The following MSH6 variants were observed in gnomAD, a reference collection of about 807,000 sequenced individuals.
MSH6 encodes the protein mutS homolog 6.
A neutral mutation model predicts 119.1 loss-of-function variants in MSH6; 85 were observed. The ratio of observed to expected loss-of-function variants is 0.71; its 90% CI spans 0.60 to 0.85. MSH6 has a LOEUF of 0.85. MSH6 is among the 40% of genes least tolerant of loss of function. The probability of loss-of-function intolerance (pLI) is 0.00; values close to 1 mark genes in which losing one functional copy is unlikely to be tolerated. For missense variants in MSH6, 2,163 were observed against 1,655.3 expected (o/e 1.31, Z -5.32); for synonymous variants, 830 against 586.9 (o/e 1.41, Z -5.99).
chr2:47,789,269 G>A (rs979360441), intron 1 of MSH6: 2 of 318,128 alleles, frequency 6.3e-6, no homozygotes, highest in African/African-American at 2.3e-5. Context: ...GTCAGATTCT[G>A]TAAGTGTAAT....
intron 1 of MSH6, 52 bp downstream of exon 1, chr2:47,783,545 G>T: frequency 7.1e-7 from 1 of 1,401,324 alleles, no homozygotes; most frequent in Non-Finnish European, 9.3e-7. Context: ...CGGGGCGCTT[G>T]GAACCCGGCG....
At position 47,805,999 on chromosome 2, in the gene MSH6, C is replaced by T. The variant is rs563997004; in HGVS notation, c.3647-205C>T. 1.1e-4 allele frequency among the ~76,000 whole-genome samples: 16 copies of T among 152,232 alleles called. 1 individual carries two copies. Among genetic ancestry groups the T allele is most frequent in the African/African-American group, 2.9e-4 (12 of 41,526 alleles). ...GACTCAGGAAGTTTATGACCTTGAG[C>T]GATACTGTATTTTCTTTAAAAGAAA... On this transcript the variant is annotated intron_variant, in intron 7 of 9. Transcript: ENST00000234420.
At chr2:47,789,084 C>G (rs1009645973) in intron 1 of MSH6, among the ~76,000 whole-genome samples, 1 of 151,332 alleles carries the variant, frequency 6.6e-6, no homozygotes, top group African/African-American at 2.4e-5. Flanking sequence ...TGCCACTGCA[C>G]TTGGCTAATT....
downstream of MSH6, chr2:47,808,728 CTG>C: frequency 3.0e-6 from 1 of 332,586 alleles, no homozygotes. Context: ...AGAGTCAAAA[CTG>C]TCACAGTGAC....
chr2:47,789,325 T>G (rs1668582698), intron 1 of MSH6: 1 of 393,854 alleles, frequency 2.5e-6, no homozygotes, highest in African/African-American at 2.1e-5. Flanking sequence ...ATTTTTTGTT[T>G]AAATGCTTAT....
At chr2:47,794,829 C>T (rs1015792998) in intron 2 of MSH6, among the ~76,000 whole-genome samples, 6 of 151,820 alleles carry the variant, frequency 4.0e-5, no homozygotes, top group African/African-American at 1.5e-4. Context: ...GAGTCTTGCT[C>T]TGTCGCCCAG....
chr2:47,805,435 C>G (rs1669931596), intron 6 of MSH6, among the ~76,000 whole-genome samples, 183 bp from the exon 7 acceptor site: 1 of 152,184 alleles, frequency 6.6e-6, no homozygotes, highest in Non-Finnish European at 1.5e-5. Flanking sequence ...GCCTCGGCCT[C>G]CCAAAGTGCT....
Position 47,800,142 on chromosome 2 carries a change from C to A in MSH6, c.2159C>A (p.Thr720Lys), listed in dbSNP as rs185531778. ...IPLDSDTVSTTRSGAIFTKAY... is the reference protein window; with the variant it reads ...IPLDSDTVSTKRSGAIFTKAY... Reference sequence around the variant, plus strand: ...TTGGATTCTGACACAGTCAGCACTACAAGATCTGGTGCTATCTTCACCAAA... The same window carrying A: ...TTGGATTCTGACACAGTCAGCACTAAAAGATCTGGTGCTATCTTCACCAAA... The change falls in exon 4 of 10, where the codon ACA (threonine) becomes AAA (lysine). Residue 720 changes from threonine to lysine, a missense_variant. Coordinates refer to ENST00000234420, the MANE Select transcript of MSH6 (RefSeq NM_000179.3). 1 of 1,614,168 alleles carries A rather than the reference C, an allele frequency of 6.2e-7. No homozygotes were observed. The highest frequency in any genetic ancestry group is 8.5e-7 in the Non-Finnish European group (1 of 1,180,010).
Position 47,783,221 on chromosome 2 carries a change from G to T in MSH6, c.-13G>T, listed in dbSNP as rs760597933. The T allele has an allele frequency of 6.2e-7, 1 of 1,611,192 alleles. No individual in the cohort carries two copies. Among genetic ancestry groups the T allele is most frequent in the Non-Finnish European group, 8.5e-7 (1 of 1,179,332 alleles). On this transcript the variant is annotated 5_prime_UTR_variant, in exon 1 of 10. Transcript: ENST00000234420. ...CCGTCCGACAGAACGGTTGGGCCTT[G>T]CCGGCTGTCGGTATGTCGCGACAGA...
chr2:47,797,341 T>C (rs1477728798), intron 3 of MSH6, among the ~76,000 whole-genome samples: 11 of 152,228 alleles, frequency 7.2e-5, no homozygotes, highest in Non-Finnish European at 1.3e-4. Context: ...AAAGTGGGTA[T>C]TTTAATTTTA....
intron 1 of MSH6, 42 bp downstream of exon 1, chr2:47,783,535 C>G (rs765829502): frequency 9.7e-6 from 13 of 1,337,318 alleles, no homozygotes; most frequent in Admixed American, 7.2e-5. Context: ...GGCATAGCGG[C>G]GGGGCGCTTG....
Position 47,783,475 on chromosome 2 carries a change from C to A in MSH6, c.242C>A (p.Ala81Glu), listed in dbSNP as rs587779924. 6.9e-7 allele frequency: 1 copy of A among 1,439,418 alleles called. No individual in the cohort carries two copies. 89.2% of individuals were successfully genotyped at this position (1,439,418 alleles called of 1,614,324 possible). Residue 81 changes from alanine (A) to glutamate (E), a missense_variant, in exon 1 of 10, where the codon GCG becomes GAG. Transcript: ENST00000234420. Reference sequence around the variant, plus strand: ...AACGGAGGGCTGCGGAGATCGGTAGCGCCTGCTGCCCCCACCAGGTAGCGG... The same window carrying A: ...AACGGAGGGCTGCGGAGATCGGTAGAGCCTGCTGCCCCCACCAGGTAGCGG... ...NLNGGLRRSV[A>E]PAAPTSCDFS...
chr2:47,805,487 A>G, intron 6 of MSH6, 131 bp from the exon 7 acceptor site: 4 of 742,778 alleles, frequency 5.4e-6, no homozygotes, highest in Non-Finnish European at 4.7e-6. Flanking sequence ...CAATAATTGC[A>G]TAGTCTCTTA....
At chr2:47,784,162 C>T (rs1668202376) in intron 1 of MSH6, 3 of 1,001,088 alleles carry the variant, frequency 3.0e-6, no homozygotes, top group Non-Finnish European at 3.6e-6. Flanking sequence ...GGTGTGTCAC[C>T]ATGGGGACCG....
downstream of MSH6, chr2:47,807,309 TTCACAAAACTGAG>T: frequency 4.6e-6 from 1 of 215,412 alleles, no homozygotes; most frequent in Non-Finnish European, 9.4e-6. Flanking sequence ...TTTTTTACCT[TTCACAAAACTGAG>T]TTACAAGAAT....
chr2:47,801,371 T>TTTG, intron 4 of MSH6: 1 of 471,266 alleles, frequency 2.1e-6, no homozygotes. Context: ...GTTTTTTTTT[T>TTTG]TTTTTTTTTT....
At chr2:47,805,795 C>T in intron 7 of MSH6, 88 bp downstream of exon 7, 3 of 1,069,628 alleles carry the variant, frequency 2.8e-6, no homozygotes, top group Non-Finnish European at 2.9e-6. Context: ...ATCTGAAGTA[C>T]ATTTAAACAA....
At chr2:47,802,531 C>T (rs1055299017) in intron 4 of MSH6, among the ~76,000 whole-genome samples, 1 of 151,472 alleles carries the variant, frequency 6.6e-6, no homozygotes, top group South Asian at 2.1e-4. Context: ...GGGTTTTTCC[C>T]GTGTTGGCCA....
chr2:47,785,367 A>G (rs2103977299), intron 1 of MSH6, among the ~76,000 whole-genome samples: 1 of 151,960 alleles, frequency 6.6e-6, no homozygotes, highest in Non-Finnish European at 1.5e-5. Flanking sequence ...AGCTGGGATT[A>G]CGGGTGTGCC....
Sources: allele counts gnomAD v4.1 joint callset (sites outside exome capture counted in the v4.1 genomes callset), GRCh38; gene constraint gnomAD v4.1.1; transcripts MANE v1.5; gene names NCBI Gene and HGNC (gene_info 2026-07-23, HGNC 2026-07-21).